DENND1B: variants seen among roughly 807,000 people sequenced by gnomAD.
DENND1B encodes DENN domain containing 1B, also known as DENN domain-containing protein 1B.
In DENND1B, 59 loss-of-function variants were observed where a neutral mutation model predicts 90.1. That is an observed-to-expected ratio of 0.65 (90% CI 0.53 to 0.81). The LOEUF (loss-of-function observed/expected upper bound fraction) is 0.81. Ranked by LOEUF, DENND1B falls within the 40% of genes least tolerant of loss-of-function variation. The pLI, the probability that DENND1B is intolerant of heterozygous loss-of-function variation, is 0.00. For synonymous variants in DENND1B, 337 were observed against 324.6 expected (o/e 1.04, Z -0.41); for missense variants, 862 against 912.6 (o/e 0.94, Z 0.71).
intron 5 of DENND1B, among the ~76,000 whole-genome samples, chr1:197,660,364 A>G (rs569389965): frequency 5.1e-4 from 78 of 152,192 alleles, no homozygotes; most frequent in African/African-American, 1.6e-3. Flanking sequence ...TCATAACAAA[A>G]AAGATAAATA....
intron 20 of DENND1B, among the ~76,000 whole-genome samples, chr1:197,525,282 CA>C (rs1226176045): frequency 1.3e-5 from 2 of 152,052 alleles, no homozygotes; most frequent in African/African-American, 4.8e-5. Flanking sequence ...TTTGAAAATG[CA>C]AATTCTACCA....
chr1:197,513,479 G>A (rs901741432), intron 20 of DENND1B, among the ~76,000 whole-genome samples: 6 of 151,396 alleles, frequency 4.0e-5, no homozygotes, highest in African/African-American at 1.2e-4. Flanking sequence ...CTGAATTTCT[G>A]CATTTCTAAC....
At chr1:197,746,670 C>G in intron 2 of DENND1B, 1 of 733,716 alleles carries the variant, frequency 1.4e-6, no homozygotes, top group Non-Finnish European at 2.4e-6. Context: ...AATTTTCTGA[C>G]ATATTTAACA....
intron 3 of DENND1B, among the ~76,000 whole-genome samples, chr1:197,692,130 TAA>T (rs75412045): frequency 7.1e-6 from 1 of 140,282 alleles, no homozygotes; most frequent in Admixed American, 7.1e-5. Context: ...GCCTCCACAA[TAA>T]AAAAAAAAAA....
intron 2 of DENND1B, among the ~76,000 whole-genome samples, chr1:197,768,152 TTCC>T (rs1280157131): frequency 3.3e-5 from 5 of 151,330 alleles, no homozygotes; most frequent in African/African-American, 4.9e-5. Context: ...CCACCTCCTT[TTCC>T]TCCTCCTCCT....
chr1:197,750,678 A>G (rs149434864), intron 2 of DENND1B, among the ~76,000 whole-genome samples: 3 of 152,298 alleles, frequency 2.0e-5, no homozygotes, highest in African/African-American at 7.2e-5. Flanking sequence ...AATTTCATGC[A>G]AACACTAATT....
At chr1:197,660,138 AAATT>A (rs553314366) in intron 5 of DENND1B, among the ~76,000 whole-genome samples, 76 of 152,052 alleles carry the variant, frequency 5.0e-4, no homozygotes, top group African/African-American at 1.8e-3. Context: ...AGTCAGAAAA[AAATT>A]AAAGTCAATA....
intron 6 of DENND1B, among the ~76,000 whole-genome samples, chr1:197,654,349 G>A (rs1402346887): frequency 1.3e-5 from 2 of 151,982 alleles, no homozygotes; most frequent in Non-Finnish European, 2.9e-5. Flanking sequence ...GGTGGCTCCC[G>A]CCTGTAATCC....
chr1:197,540,162 T>C (rs1670229377), intron 19 of DENND1B, 91 bp from the exon 20 acceptor site: 1 of 741,850 alleles, frequency 1.3e-6, no homozygotes, highest in Non-Finnish European at 2.1e-6. Context: ...CTGATATACA[T>C]ACAAGTAGCA....
At chr1:197,634,621 G>C (rs2125903598) in intron 10 of DENND1B, among the ~76,000 whole-genome samples, 1 of 152,104 alleles carries the variant, frequency 6.6e-6, no homozygotes, top group Non-Finnish European at 1.5e-5. Flanking sequence ...TTTTGGCATA[G>C]ACTTTTAAAA....
intron 10 of DENND1B, among the ~76,000 whole-genome samples, chr1:197,639,679 C>T (rs1277484429): frequency 1.3e-5 from 2 of 151,694 alleles, no homozygotes; most frequent in Admixed American, 6.6e-5. Context: ...TTATAGTCTC[C>T]GTGATATATA....
chr1:197,610,894 C>T (rs1440304563), intron 12 of DENND1B, among the ~76,000 whole-genome samples: 1 of 150,476 alleles, frequency 6.6e-6, no homozygotes, highest in Admixed American at 6.6e-5. Flanking sequence ...ATTGTTGAAA[C>T]AAATAAAAAA....
At chr1:197,565,475 CTT>C (rs66660353) in intron 15 of DENND1B, among the ~76,000 whole-genome samples, 1 of 150,714 alleles carries the variant, frequency 6.6e-6, no homozygotes, top group Non-Finnish European at 1.5e-5. Flanking sequence ...TTTTTTCTTT[CTT>C]TTTTTTTTCT....
chr1:197,734,052 T>G (rs967983753), intron 2 of DENND1B: 1 of 947,388 alleles, frequency 1.1e-6, no homozygotes, highest in Non-Finnish European at 1.3e-6. Flanking sequence ...CATTAAATAT[T>G]TATCATTAGA....
At chr1:197,704,777 T>G (rs757548995) in intron 3 of DENND1B, among the ~76,000 whole-genome samples, 3 of 151,956 alleles carry the variant, frequency 2.0e-5, no homozygotes, top group African/African-American at 2.4e-5. Context: ...AGAGAAAAAT[T>G]ATTACAATAA....
intron 2 of DENND1B, among the ~76,000 whole-genome samples, chr1:197,725,707 G>C (rs1484730242): frequency 3.3e-5 from 5 of 151,924 alleles, no homozygotes; most frequent in Admixed American, 3.3e-4. Context: ...ATGAGACAAG[G>C]TGAGGTCAGA....
rs1266786564 is a variant in DENND1B at position 197,507,230 on chromosome 1, T to C, written c.*3230A>G. 2.0e-5 allele frequency: 3 copies of C among 150,276 alleles called. No homozygotes were observed. The highest frequency in any genetic ancestry group is 4.5e-5 in the Non-Finnish European group (3 of 67,296). The allele number at this position is 150,276 out of a possible 1,614,324, so 9.3% of individuals were successfully genotyped here. A position where few individuals can be genotyped will look rare whatever the true frequency, so the allele number is the denominator to read the frequency against. ...TTTGCAATTCCTTTTCCTTTGTTCC[T>C]TCAGAGCAGGGACTATGTCAGTTAT... On this transcript the variant is annotated 3_prime_UTR_variant, in exon 23 of 23. Transcript: ENST00000620048.
At chr1:197,731,141 A>C (rs1662110073) in intron 2 of DENND1B, among the ~76,000 whole-genome samples, 1 of 152,134 alleles carries the variant, frequency 6.6e-6, no homozygotes. Context: ...ACAACTTGTA[A>C]GAAACAATGA....
chr1:197,527,401 G>A (rs762635645), intron 20 of DENND1B, among the ~76,000 whole-genome samples: 7 of 150,138 alleles, frequency 4.7e-5, no homozygotes, highest in Non-Finnish European at 7.4e-5. Flanking sequence ...TCCTGCCTCA[G>A]CCTCCCGAGT....
Sources: gnomAD v4.1 joint callset for allele counts (sites outside exome capture counted in the v4.1 genomes callset) on GRCh38, gnomAD v4.1.1 for gene constraint, MANE v1.5 for transcripts, NCBI Gene and HGNC (gene_info 2026-07-23, HGNC 2026-07-21) for gene names.